Variants in SGMS1 observed in about 807,000 individuals in gnomAD.
The protein encoded by SGMS1 is phosphatidylcholine:ceramide cholinephosphotransferase 1.
In SGMS1, 13 loss-of-function variants were observed where a neutral mutation model predicts 46.2. That is an observed-to-expected ratio of 0.28 (90% CI 0.18 to 0.45). The LOEUF (loss-of-function observed/expected upper bound fraction) is 0.45, where lower values mean the gene tolerates loss of function less well. SGMS1 is among the 20% of genes least tolerant of loss of function. The probability of loss-of-function intolerance (pLI) is 1.00; values close to 1 mark genes in which losing one functional copy is unlikely to be tolerated. For synonymous variants in SGMS1, 203 were observed against 187.8 expected (o/e 1.08, Z -0.66); for missense variants, 324 against 519.9 (o/e 0.62, Z 3.66).
At chr10:50,470,195 T>C (rs1203517269) in intron 3 of SGMS1, among the ~76,000 whole-genome samples, 3 of 152,042 alleles carry the variant, frequency 2.0e-5, no homozygotes, top group Non-Finnish European at 4.4e-5. Flanking sequence ...AAATAAATAA[T>C]ATAGAGAGAC....
intron 3 of SGMS1, among the ~76,000 whole-genome samples, chr10:50,514,178 T>C (rs539122365): frequency 1.3e-5 from 2 of 152,360 alleles, no homozygotes; most frequent in South Asian, 2.1e-4. Flanking sequence ...TTCTAAATGA[T>C]GCAGTCTGAA....
intron 6 of SGMS1, among the ~76,000 whole-genome samples, chr10:50,349,453 A>G (rs1364212063): frequency 6.6e-6 from 1 of 152,226 alleles, no homozygotes; most frequent in East Asian, 1.9e-4. Flanking sequence ...CTATCCAGCT[A>G]CTTCCCTTCT....
At chr10:50,384,173 C>T (rs569908781) in intron 6 of SGMS1, among the ~76,000 whole-genome samples, 4 of 152,170 alleles carry the variant, frequency 2.6e-5, no homozygotes, top group Admixed American at 6.5e-5. Context: ...TTATAGAAGA[C>T]GGAATGAACT....
chr10:50,398,186 A>G (rs1848874820), intron 6 of SGMS1, among the ~76,000 whole-genome samples: 1 of 152,226 alleles, frequency 6.6e-6, no homozygotes, highest in African/African-American at 2.4e-5. Flanking sequence ...TTCAGAAAAC[A>G]GTAATTATTC....
At chr10:50,565,866 A>G (rs1236369901) in intron 2 of SGMS1, among the ~76,000 whole-genome samples, 4 of 152,242 alleles carry the variant, frequency 2.6e-5, no homozygotes, top group Non-Finnish European at 5.9e-5. Flanking sequence ...GCTCCCACTC[A>G]GGACCTGGAA....
rs144325935 is a variant in SGMS1, at chr10:50,502,667, A to T, written c.-498+17164T>A. ...TTGTCACAGGAAAATATTAGGGAAA[A>T]AAGAAGAAGAAGAAATACTTTCCTT... is the stretch of plus-strand genomic sequence containing the variant. On this transcript the variant is annotated intron_variant, in intron 3 of 10. Transcript: ENST00000361781. Among the ~76,000 whole-genome samples the T allele has an allele frequency of 2.8e-3, 429 of 152,306 alleles. 1 individual carries two copies. Among genetic ancestry groups the T allele is most frequent in the Non-Finnish European group, 5.0e-3 (342 of 68,030 alleles).
At chr10:50,314,743 C>T (rs1257974805) in intron 8 of SGMS1, among the ~76,000 whole-genome samples, 3 of 151,684 alleles carry the variant, frequency 2.0e-5, no homozygotes, top group East Asian at 1.9e-4. Context: ...GGCAACATGG[C>T]GAGACTGTCT....
chr10:50,510,299 T>A (rs1275209355), intron 3 of SGMS1, among the ~76,000 whole-genome samples: 1 of 152,220 alleles, frequency 6.6e-6, no homozygotes, highest in African/African-American at 2.4e-5. Context: ...TGAAGGACAA[T>A]TACATTTTTT....
At chr10:50,418,014 G>C (rs1207687365) in intron 6 of SGMS1, 1 of 152,232 alleles carries the variant, frequency 6.6e-6, no homozygotes, top group Non-Finnish European at 1.5e-5. Context: ...GGTTCACACC[G>C]TCTGTTAGTG....
At chr10:50,483,682 TAACA>T (rs1466308099) in intron 3 of SGMS1, among the ~76,000 whole-genome samples, 6 of 152,252 alleles carry the variant, frequency 3.9e-5, no homozygotes, top group East Asian at 1.9e-4. Context: ...GCTGAAATCA[TAACA>T]AACAGTCTCT....
chr10:50,545,998 T>C (rs1395380860), intron 2 of SGMS1, among the ~76,000 whole-genome samples: 1 of 152,186 alleles, frequency 6.6e-6, no homozygotes, highest in African/African-American at 2.4e-5. Flanking sequence ...TTATACATTT[T>C]GGGGAAAGAA....
chr10:50,619,049 C>A (rs944005105), intron 1 of SGMS1, among the ~76,000 whole-genome samples: 1 of 152,080 alleles, frequency 6.6e-6, no homozygotes, highest in Non-Finnish European at 1.5e-5. Context: ...AGGAGAGTCT[C>A]TTGAGCCTAA....
At chr10:50,375,962 G>C (rs1490466285) in intron 6 of SGMS1, among the ~76,000 whole-genome samples, 1 of 152,136 alleles carries the variant, frequency 6.6e-6, no homozygotes, top group Non-Finnish European at 1.5e-5. Context: ...CTCCGGAGTA[G>C]CTAAGACTAC....
chr10:50,524,641 G>C (rs1189108415), intron 2 of SGMS1, among the ~76,000 whole-genome samples: 2 of 152,196 alleles, frequency 1.3e-5, no homozygotes, highest in African/African-American at 2.4e-5. Context: ...TAAAGTAGGT[G>C]ATATTTATTA....
rs58641986 is a variant in SGMS1, at chr10:50,476,097, C to CAAAAAAAAA, written c.-497-9174_-497-9166dup. Among the ~76,000 whole-genome samples the CAAAAAAAAA allele has an allele frequency of 1.3e-3, 58 of 43,320 alleles. 2 individuals are homozygous for CAAAAAAAAA. The highest frequency in any genetic ancestry group is 1.9e-3 in the Non-Finnish European group (45 of 24,268). 28.4% of individuals were successfully genotyped at this position (43,320 alleles called of 152,430 possible). A position where few individuals can be genotyped will look rare whatever the true frequency, so the allele number is the denominator to read the frequency against. ...TAAAATCTTGTCTTTACTAAAAATA[C>CAAAAAAAAA]AAAAAAAAAAAAAAAAAAAAAAAAA... On this transcript the variant is annotated intron_variant, in intron 3 of 10. Transcript: ENST00000361781.
At chr10:50,484,693 C>T (rs1477198367) in intron 3 of SGMS1, among the ~76,000 whole-genome samples, 2 of 152,188 alleles carry the variant, frequency 1.3e-5, no homozygotes, top group African/African-American at 4.8e-5. Context: ...AAAGCTTACC[C>T]ACCATGATCG....
intron 2 of SGMS1, among the ~76,000 whole-genome samples, chr10:50,581,753 A>C (rs1034734110): frequency 6.6e-6 from 1 of 152,242 alleles, no homozygotes; most frequent in African/African-American, 2.4e-5. Context: ...TAAAAACACC[A>C]TTGTAAAGCC....
intron 2 of SGMS1, among the ~76,000 whole-genome samples, chr10:50,535,956 T>C (rs1343844332): frequency 1.3e-5 from 2 of 152,166 alleles, no homozygotes; most frequent in Non-Finnish European, 2.9e-5. Flanking sequence ...TTTTTATACA[T>C]TCTTCTTCTT....
intron 1 of SGMS1, 140 bp from the exon 2 acceptor site, chr10:50,590,387 G>A (rs1272523165): frequency 1.3e-5 from 2 of 151,862 alleles, no homozygotes; most frequent in Admixed American, 6.6e-5. Context: ...AGGGGAAAAA[G>A]TAAAAAAAGA....
Sources: gnomAD v4.1 joint callset for allele counts (sites outside exome capture counted in the v4.1 genomes callset) on GRCh38, gnomAD v4.1.1 for gene constraint, MANE v1.5 for transcripts, NCBI Gene and HGNC (gene_info 2026-07-23, HGNC 2026-07-21) for gene names.